HSF1: variants seen among roughly 807,000 people sequenced by gnomAD.
HSF1 encodes heat shock factor protein 1.
HSF1 carries 32 observed loss-of-function variants against 51.7 expected under a neutral mutation model. The observed-to-expected ratio is 0.62, with a 90% CI of 0.47 to 0.83. The LOEUF is 0.83. HSF1 is among the 40% of genes least tolerant of loss of function. The probability of loss-of-function intolerance (pLI) is 0.00; values close to 1 mark genes in which losing one functional copy is unlikely to be tolerated. For missense variants in HSF1, 727 were observed against 717.0 expected, an observed-to-expected ratio of 1.01 and a Z score of -0.16; for synonymous variants, 396 against 309.7, an observed-to-expected ratio of 1.28 and a Z score of -2.92.
chr8:144,313,960 T>G (rs1554845920), intron 11 of HSF1, 25 bp from the exon 12 acceptor site: 1 of 1,610,142 alleles, frequency 6.2e-7, no homozygotes, highest in Non-Finnish European at 8.5e-7. Context: ...GCGGGAGTGC[T>G]CACAATACCG....
chr8:144,306,917 C>CTG (rs530083499), intron 1 of HSF1, among the ~76,000 whole-genome samples: 2,250 of 150,110 alleles, frequency 0.015, 32 homozygotes, highest in African/African-American at 0.042. Context: ...TTTCCGGGGG[C>CTG]TGTGTGTGTG....
At position 144,291,740 on chromosome 8, in the gene HSF1, A is replaced by T. The variant is rs1458103269; in HGVS notation, c.-18A>T. 2.1e-6 allele frequency: 3 copies of T among 1,417,734 alleles called. No homozygotes were observed. The highest frequency in any genetic ancestry group is 1.5e-5 in the African/African-American group (1 of 66,670). The allele number at this position is 1,417,734 out of a possible 1,614,324, so 87.8% of individuals were successfully genotyped here. On this transcript the variant is annotated 5_prime_UTR_variant, in exon 1 of 13. Coordinates refer to ENST00000528838, the MANE Select transcript of HSF1 (RefSeq NM_005526.4). The surrounding 1 kb of genome is among the most constrained non-coding windows in gnomAD (Gnocchi z 4.1). ...CTCTTTGCGGCCGCTCCCTCCGCCT[A>T]TTCCCTCCTTGCTCGAGATGGATCT...
chr8:144,299,207 C>T (rs539841951), intron 1 of HSF1, among the ~76,000 whole-genome samples: 20 of 152,028 alleles, frequency 1.3e-4, no homozygotes, highest in Admixed American at 3.3e-4. Context: ...TTTGGGAGGC[C>T]GAAGCAGGCG....
intron 1 of HSF1, among the ~76,000 whole-genome samples, chr8:144,307,424 G>A (rs766907148): frequency 1.3e-5 from 2 of 152,252 alleles, no homozygotes; most frequent in African/African-American, 4.8e-5. Context: ...TGCAGATGGA[G>A]TGGGAATAGG....
intron 1 of HSF1, among the ~76,000 whole-genome samples, chr8:144,298,851 G>C (rs575078349): frequency 6.6e-6 from 1 of 152,214 alleles, no homozygotes; most frequent in Admixed American, 6.5e-5. Context: ...CCGATTTGCT[G>C]GTGCACACAG....
rs376059978 is a variant in HSF1 at position 144,312,405 on chromosome 8, G to A, written c.1142+161G>A. The stretch of plus-strand genomic sequence containing the variant: ...TGGGGAGGGAGACAGGTGCCAGCCA[G>A]ATCACCCCACAGTCCCAAACGCCAC... On this transcript the variant is annotated intron_variant, in intron 9 of 12. Coordinates refer to ENST00000528838, the MANE Select transcript of HSF1 (RefSeq NM_005526.4). Among the ~76,000 whole-genome samples, 299 of 152,212 alleles carry A rather than the reference G, an allele frequency of 2.0e-3. 2 individuals carry two copies. Among genetic ancestry groups the A allele is most frequent in the African/African-American group, 6.7e-3 (278 of 41,518 alleles).
At chr8:144,313,671 C>CCG (rs1816908513) in intron 10 of HSF1, 55 bp downstream of exon 10, 21 of 155,932 alleles carry the variant, frequency 1.3e-4, no homozygotes, top group East Asian at 3.0e-4. Flanking sequence ...CCGCGCCGCC[C>CCG]CGCCTCCCCG....
At chr8:144,314,093 C>T (rs781819360) in intron 12 of HSF1, 32 bp from the exon 13 acceptor site, 4 of 1,529,980 alleles carry the variant, frequency 2.6e-6, no homozygotes, top group African/African-American at 1.4e-5. Flanking sequence ...TGCCCCCAAC[C>T]CCCCACCGCC....
rs186419764 is a variant in HSF1 at position 144,307,917 on chromosome 8, T to C, written c.118-989T>C. On this transcript the variant is annotated intron_variant, in intron 1 of 12. Transcript: ENST00000528838. ...AGTTCTGGAAAGTTGGCTTGGCGCT[T>C]TTCGCCGTCTCTCTCCTGCTGCCTT... Among the ~76,000 whole-genome samples, 854 of 152,382 alleles carry C rather than the reference T, an allele frequency of 5.6e-3. 3 individuals carry two copies. The highest frequency in any genetic ancestry group is 7.3e-3 in the Non-Finnish European group (494 of 68,042).
intron 9 of HSF1, chr8:144,312,740 G>A (rs1554845267): frequency 2.0e-6 from 3 of 1,526,126 alleles, no homozygotes; most frequent in Admixed American, 2.0e-5. Flanking sequence ...GGGGAGGGAG[G>A]AGGGCTCTGC....
At chr8:144,292,993 G>A (rs561488049) in intron 1 of HSF1, among the ~76,000 whole-genome samples, 1 of 152,276 alleles carries the variant, frequency 6.6e-6, no homozygotes, top group South Asian at 2.1e-4. Context: ...CTGATCATTG[G>A]GAGCTTTTGG....
At chr8:144,299,056 C>G (rs62532314) in intron 1 of HSF1, among the ~76,000 whole-genome samples, 81,297 of 151,970 alleles carry the variant, frequency 0.53, 22,088 homozygotes, top group Admixed American at 0.65. Context: ...GAATAAGCTG[C>G]AGAGGAAAGG....
At chr8:144,312,912 G>T (rs1381190216) in intron 9 of HSF1, 1 of 597,978 alleles carries the variant, frequency 1.7e-6, no homozygotes, top group Non-Finnish European at 3.0e-6. Flanking sequence ...TGACAGGGAT[G>T]ACAGGGACAG....
intron 1 of HSF1, among the ~76,000 whole-genome samples, chr8:144,293,977 G>T (rs1554840882): frequency 6.6e-6 from 1 of 151,884 alleles, no homozygotes; most frequent in East Asian, 1.9e-4. Context: ...GAGCAAGGAA[G>T]GCAGGTGTGA....
At position 144,314,264 on chromosome 8, in the gene HSF1, G is replaced by A. The variant is rs1817070387; in HGVS notation, c.1524G>A (p.Glu508=). ...TCTCCGAAGGGGACGGCTTCGCCGA[G>A]GACCCCACCATCTCCCTGCTGACAG... ...SYFSEGDGFA[E]DPTISLLTGS... Residue 508 remains glutamate (E), a synonymous_variant, in exon 13 of 13, where the codon GAG becomes GAA. Transcript: ENST00000528838. The A allele has an allele frequency of 1.3e-6, 2 of 1,550,820 alleles. No individual in the cohort carries two copies. The highest frequency in any genetic ancestry group is 2.4e-5 in the South Asian group (2 of 84,116).
At chr8:144,299,857 C>G (rs1054873213) in intron 1 of HSF1, among the ~76,000 whole-genome samples, 4 of 152,106 alleles carry the variant, frequency 2.6e-5, no homozygotes, top group Non-Finnish European at 4.4e-5. Flanking sequence ...TGCAGTGAGC[C>G]AAGATCGTGC....
chr8:144,295,182 T>C (rs1815373527), intron 1 of HSF1, among the ~76,000 whole-genome samples: 1 of 152,208 alleles, frequency 6.6e-6, no homozygotes, highest in Non-Finnish European at 1.5e-5. Context: ...AGGGCCTTGC[T>C]GGGCTGCAGC....
rs1817104910 is a variant in HSF1 at position 144,314,619 on chromosome 8, A to G, written c.*289A>G. ...TCAGAATTGTATTTTGGATTTTTACACAACTGTCCCGTTCCCCGCTCCACA... is the reference window on the plus strand; with the variant it reads ...TCAGAATTGTATTTTGGATTTTTACGCAACTGTCCCGTTCCCCGCTCCACA... On this transcript the variant is annotated 3_prime_UTR_variant, in exon 13 of 13. Transcript: ENST00000528838. 2 of 492,926 alleles carry G rather than the reference A, an allele frequency of 4.1e-6. No individual in the cohort carries two copies. Among genetic ancestry groups the G allele is most frequent in the South Asian group, 2.7e-5 (1 of 36,392 alleles). 30.5% of individuals were successfully genotyped at this position (492,926 alleles called of 1,614,324 possible). A position where few individuals can be genotyped will look rare whatever the true frequency, so the allele number is the denominator to read the frequency against.
In HSF1 at chr8:144,313,539, A is replaced by G. The variant is rs782069787; in HGVS notation, c.1171A>G (p.Met391Val). 19 of 1,611,870 alleles carry G rather than the reference A, an allele frequency of 1.2e-5. No homozygotes were observed. Among genetic ancestry groups the G allele is most frequent in the Non-Finnish European group, 1.4e-5 (17 of 1,179,104 alleles). ...KNELSDHLDAMDSNLDNLQTM... is the reference protein window; with the variant it reads ...KNELSDHLDAVDSNLDNLQTM... ...TGAGCTCAGTGACCACTTGGATGCT[A>G]TGGACTCCAACCTGGATAACCTGCA... Residue 391 changes from methionine (M) to valine (V), a missense_variant, in exon 10 of 13, where the codon ATG (methionine) becomes GTG (valine). Coordinates refer to ENST00000528838, the MANE Select transcript of HSF1 (RefSeq NM_005526.4).
Sources: allele counts gnomAD v4.1 joint callset (sites outside exome capture counted in the v4.1 genomes callset), GRCh38; gene constraint gnomAD v4.1.1; non-coding constraint Gnocchi (gnomAD v3.1); transcripts MANE v1.5; gene names NCBI Gene and HGNC (gene_info 2026-07-23, HGNC 2026-07-21).